The following GTF2E2 variants were observed in gnomAD, a reference collection of about 807,000 sequenced individuals.
GTF2E2 encodes general transcription factor IIE subunit 2, also known as transcription initiation factor IIE subunit beta.
Under a neutral mutation model 40.5 loss-of-function variants are expected in GTF2E2, and 21 were observed. The ratio of observed to expected loss-of-function variants is 0.52; its 90% confidence interval spans 0.37 to 0.75. The LOEUF is 0.75. Among genes scored for constraint, GTF2E2 ranks in the 30% least tolerant of loss-of-function variants. The pLI is 0.00. For missense variants in GTF2E2, 298 were observed against 338.4 expected, an observed-to-expected ratio of 0.88 and a Z score of 0.94; for synonymous variants, 117 against 121.6, an observed-to-expected ratio of 0.96 and a Z score of 0.25.
chr8:30,656,811 A>AAAG (rs1307869211), intron 1 of GTF2E2: 1 of 150,138 alleles, frequency 6.7e-6, no homozygotes, highest in African/African-American at 2.5e-5. Context: ...CCGTCTCAGA[A>AAAG]AAAAAAAAAA....
At chr8:30,628,612 C>CA (rs1462843929) in intron 3 of GTF2E2, among the ~76,000 whole-genome samples, 52 of 152,288 alleles carry the variant, frequency 3.4e-4, no homozygotes, top group African/African-American at 1.3e-3. Context: ...TAATTTGCTG[C>CA]AAGTTTTTAT....
chr8:30,633,239 A>T (rs1035514541), intron 3 of GTF2E2, among the ~76,000 whole-genome samples: 2 of 152,194 alleles, frequency 1.3e-5, no homozygotes, highest in African/African-American at 4.8e-5. Context: ...TCAATAAATG[A>T]TTTGAAAGAT....
Position 30,653,447 on chromosome 8 carries a change from G to A in GTF2E2, c.152C>T (p.Ser51Phe). The change falls in exon 2 of 8, where the codon TCT becomes TTT. Residue 51 changes from serine (S) to phenylalanine (F), a missense_variant. Transcript: ENST00000355904. ...ATTTTACTAACCAGAATTTTGTTTA[G>A]AGCCTGACGATCCTCCATGTTCTAC... Reference protein sequence around the residue: ...TKVEHGGSSGSKQNSDHSNGS... With the variant: ...TKVEHGGSSGFKQNSDHSNGS... 6.2e-7 allele frequency: 1 copy of A among 1,613,026 alleles called. No homozygotes were observed. The highest frequency in any genetic ancestry group is 8.5e-7 in the Non-Finnish European group (1 of 1,179,442).
At chr8:30,583,493 C>T (rs777632195) in intron 6 of GTF2E2, among the ~76,000 whole-genome samples, 2 of 152,022 alleles carry the variant, frequency 1.3e-5, no homozygotes, top group East Asian at 2.0e-4. Flanking sequence ...AATCTTCCTC[C>T]CTCAGCCTCC....
chr8:30,648,192 T>C (rs888884820), intron 2 of GTF2E2, among the ~76,000 whole-genome samples: 4 of 152,082 alleles, frequency 2.6e-5, no homozygotes, highest in African/African-American at 9.7e-5. Context: ...ATAAAGCATG[T>C]TGGAGGAGCT....
rs140899017 is a variant in GTF2E2, at chr8:30,597,981, G to C, written c.643+9076C>G. Reference sequence around the variant, plus strand: ...TTTACATGTCAAACTTATTATTATAGCTGTTAAAGAAACTATATCCTACCA... The same window carrying C: ...TTTACATGTCAAACTTATTATTATACCTGTTAAAGAAACTATATCCTACCA... On this transcript the variant is annotated intron_variant, in intron 6 of 7. Transcript: ENST00000355904. Among the ~76,000 whole-genome samples, 100 of 152,298 alleles carry C rather than the reference G, an allele frequency of 6.6e-4. 2 individuals are homozygous for C. The East Asian group carries it at 0.016, about 25-fold the overall frequency.
chr8:30,590,044 C>A (rs566725327), intron 6 of GTF2E2, among the ~76,000 whole-genome samples: 1 of 152,182 alleles, frequency 6.6e-6, no homozygotes, highest in Non-Finnish European at 1.5e-5. Flanking sequence ...CATGCTAACA[C>A]CACCATGATA....
At chr8:30,600,687 C>T (rs550457820) in intron 6 of GTF2E2, among the ~76,000 whole-genome samples, 3 of 152,276 alleles carry the variant, frequency 2.0e-5, no homozygotes, top group Middle Eastern at 3.4e-3. Flanking sequence ...ATTTATACTA[C>T]CTTTAAATGA....
chr8:30,630,117 C>T lies in GTF2E2; in HGVS notation c.258+4915G>A, dbSNP rs1487827416. On this transcript the variant is annotated intron_variant, in intron 3 of 7. Transcript: ENST00000355904. ...CTGTAAAAATCCTCCTAAAATAAACCATAAAGTTCCTCTTTCATCTTAACC... is the reference window on the plus strand; with the variant it reads ...CTGTAAAAATCCTCCTAAAATAAACTATAAAGTTCCTCTTTCATCTTAACC... Among the ~76,000 whole-genome samples, 3 of 152,036 alleles carry T rather than the reference C, an allele frequency of 2.0e-5. 1 individual carries two copies. Among genetic ancestry groups the T allele is most frequent in the Admixed American group, 2.0e-4 (3 of 15,250 alleles).
intron 6 of GTF2E2, among the ~76,000 whole-genome samples, chr8:30,603,936 A>C (rs1829251422): frequency 6.6e-6 from 1 of 152,172 alleles, no homozygotes; most frequent in African/African-American, 2.4e-5. Context: ...TGAAATTTTA[A>C]AAAGAATGGT....
At chr8:30,640,723 G>T (rs905278635) in intron 2 of GTF2E2, among the ~76,000 whole-genome samples, 2 of 152,076 alleles carry the variant, frequency 1.3e-5, no homozygotes, top group Admixed American at 1.3e-4. Context: ...TTTTGGCGGG[G>T]GGACGGAGTC....
intron 3 of GTF2E2, among the ~76,000 whole-genome samples, chr8:30,623,408 G>A (rs556846728): frequency 0.02 from 3,111 of 152,158 alleles, 46 homozygotes; most frequent in Non-Finnish European, 0.027. Flanking sequence ...GTATTCCATG[G>A]TGTATATGTG....
intron 3 of GTF2E2, among the ~76,000 whole-genome samples, chr8:30,627,887 G>A (rs1801333835): frequency 6.6e-6 from 1 of 152,170 alleles, no homozygotes. Context: ...GTGACTGCAG[G>A]AGCTAGCCTC....
At chr8:30,620,247 C>G (rs1325600818) in intron 3 of GTF2E2, among the ~76,000 whole-genome samples, 5 of 151,540 alleles carry the variant, frequency 3.3e-5, no homozygotes, top group Non-Finnish European at 7.4e-5. Flanking sequence ...CAAACACACA[C>G]ACACACACAC....
intron 3 of GTF2E2, among the ~76,000 whole-genome samples, chr8:30,631,110 T>C (rs774840239): frequency 2.0e-5 from 3 of 152,114 alleles, no homozygotes; most frequent in Non-Finnish European, 4.4e-5. Flanking sequence ...TCATTGCAAC[T>C]TCCACCTCCC....
At chr8:30,594,055 C>G (rs528972304) in intron 6 of GTF2E2, among the ~76,000 whole-genome samples, 1 of 151,580 alleles carries the variant, frequency 6.6e-6, no homozygotes, top group South Asian at 2.1e-4. Context: ...CTCAGCCCCC[C>G]AAGTAGCTGG....
chr8:30,636,378 T>A (rs756929130), intron 2 of GTF2E2, among the ~76,000 whole-genome samples: 9 of 152,128 alleles, frequency 5.9e-5, no homozygotes, highest in South Asian at 2.1e-4. Flanking sequence ...AAACAAAAGA[T>A]TGCATTAGAA....
chr8:30,655,635 G>A (rs1190669578), intron 1 of GTF2E2, among the ~76,000 whole-genome samples: 1 of 152,096 alleles, frequency 6.6e-6, no homozygotes, highest in Non-Finnish European at 1.5e-5. Flanking sequence ...AGCTTTGAAA[G>A]GTTACGGAAG....
intron 5 of GTF2E2, among the ~76,000 whole-genome samples, chr8:30,609,265 CAA>C (rs753208919): frequency 3.9e-5 from 1 of 25,918 alleles, no homozygotes; most frequent in Non-Finnish European, 7.6e-5. Flanking sequence ...GACTCCGCCT[CAA>C]AAAAAAAAAA....
Sources: allele counts gnomAD v4.1 joint callset (sites outside exome capture counted in the v4.1 genomes callset), GRCh38; gene constraint gnomAD v4.1.1; transcripts MANE v1.5; gene names NCBI Gene and HGNC (gene_info 2026-07-23, HGNC 2026-07-21).